The following HS3ST4 variants were observed in gnomAD, a reference collection of about 807,000 sequenced individuals.
HS3ST4 encodes the protein heparan sulfate glucosamine 3-O-sulfotransferase 4.
Under a neutral mutation model 29.2 loss-of-function variants are expected in HS3ST4, and 17 were observed. The ratio of observed to expected loss-of-function variants is 0.58; its 90% CI spans 0.40 to 0.87. The LOEUF is 0.87. Ranked by LOEUF, HS3ST4 falls within the 40% of genes least tolerant of loss-of-function variation. The pLI is 0.00. For synonymous variants in HS3ST4, 314 were observed against 285.7 expected, an observed-to-expected ratio of 1.10 and a Z score of -1.00; for missense variants, 627 against 634.5, an observed-to-expected ratio of 0.99 and a Z score of 0.13.
At chr16:26,081,120 C>G (rs559272601) in intron 1 of HS3ST4, among the ~76,000 whole-genome samples, 1 of 152,178 alleles carries the variant, frequency 6.6e-6, no homozygotes, top group South Asian at 2.1e-4. Context: ...GACCCCATCT[C>G]TACTAAAAAT....
At chr16:25,851,739 G>A (rs1208452920) in intron 1 of HS3ST4, among the ~76,000 whole-genome samples, 1 of 152,132 alleles carries the variant, frequency 6.6e-6, no homozygotes. Flanking sequence ...GGAACTAATA[G>A]CCTTGAAATA....
rs773679674 is a variant in HS3ST4 at position 25,885,409 on chromosome 16, A to G, written c.734+192258A>G. ...GTTCATGTTATTACCTGGTTTCTAA[A>G]ACCCTCTAGGAAGCTGGGAAGATCA... On this transcript the variant is annotated intron_variant, in intron 1 of 1. Coordinates refer to ENST00000331351, the MANE Select transcript of HS3ST4 (RefSeq NM_006040.3). Among the ~76,000 whole-genome samples the G allele has an allele frequency of 7.3e-4, 111 of 152,144 alleles. 1 individual carries two copies. The highest frequency in any genetic ancestry group is 1.1e-3 in the Non-Finnish European group (77 of 68,012).
chr16:25,968,665 T>C (rs1250767744), intron 1 of HS3ST4, among the ~76,000 whole-genome samples: 1 of 152,232 alleles, frequency 6.6e-6, no homozygotes, highest in Admixed American at 6.5e-5. Flanking sequence ...TGTGTGACAT[T>C]GGACTAATTA....
intron 1 of HS3ST4, among the ~76,000 whole-genome samples, chr16:26,014,711 A>G (rs970427176): frequency 2.6e-5 from 4 of 152,294 alleles, no homozygotes; most frequent in Admixed American, 6.5e-5. Flanking sequence ...TCCATGGTGT[A>G]TATGTGTCAT....
intron 1 of HS3ST4, among the ~76,000 whole-genome samples, chr16:25,817,169 C>T (rs1294088143): frequency 6.6e-6 from 1 of 152,196 alleles, no homozygotes; most frequent in Non-Finnish European, 1.5e-5. Flanking sequence ...CTTCAGTGTC[C>T]TCAACCTTAG....
At position 25,912,687 on chromosome 16, in the gene HS3ST4, G is replaced by A. The variant is rs1596611791; in HGVS notation, c.734+219536G>A. ...AGTGGAATTGGACAGCGTGAGTCCT[G>A]GGTCGGCTTAATTCTGAACACCACT... On this transcript the variant is annotated intron_variant, in intron 1 of 1. Transcript: ENST00000331351. Among the ~76,000 whole-genome samples, 3 of 152,274 alleles carry A rather than the reference G, an allele frequency of 2.0e-5. No homozygotes were observed. In the South Asian group the frequency reaches 6.2e-4, roughly 32 times the overall value.
chr16:26,014,203 G>A (rs1226487639), intron 1 of HS3ST4, among the ~76,000 whole-genome samples: 5 of 152,098 alleles, frequency 3.3e-5, no homozygotes, highest in African/African-American at 1.2e-4. Flanking sequence ...TAAACTCTAT[G>A]AGGACAGGGA....
At chr16:25,768,570 A>G (rs1040048694) in intron 1 of HS3ST4, among the ~76,000 whole-genome samples, 2 of 152,126 alleles carry the variant, frequency 1.3e-5, no homozygotes, top group Admixed American at 6.5e-5. Flanking sequence ...CCGCATGTGG[A>G]GTGGAACAGG....
chr16:26,127,563 A>G (rs1263401425), intron 1 of HS3ST4, among the ~76,000 whole-genome samples: 1 of 152,170 alleles, frequency 6.6e-6, no homozygotes, highest in Non-Finnish European at 1.5e-5. Context: ...TCCTGCCTCT[A>G]GTTCCATTCT....
intron 1 of HS3ST4, among the ~76,000 whole-genome samples, chr16:25,872,590 T>A (rs529063868): frequency 1.8e-3 from 240 of 135,030 alleles, no homozygotes; most frequent in African/African-American, 6.2e-3. Flanking sequence ...CAGGCTTCAT[T>A]AGCCTGAGTG....
chr16:26,029,982 C>A (rs1198201602), intron 1 of HS3ST4, among the ~76,000 whole-genome samples: 1 of 152,230 alleles, frequency 6.6e-6, no homozygotes, highest in Non-Finnish European at 1.5e-5. Flanking sequence ...ATACCAAATT[C>A]TTAGTCCCCC....
intron 1 of HS3ST4, among the ~76,000 whole-genome samples, chr16:25,822,661 T>G (rs1567247860): frequency 6.6e-6 from 1 of 152,166 alleles, no homozygotes; most frequent in African/African-American, 2.4e-5. Context: ...GTGTGCTTTT[T>G]TCTTCAGCAC....
intron 1 of HS3ST4, among the ~76,000 whole-genome samples, chr16:26,111,481 A>T (rs2141803522): frequency 6.6e-6 from 1 of 152,158 alleles, no homozygotes; most frequent in South Asian, 2.1e-4. Context: ...ACACAGGCAA[A>T]AATGTGTATA....
At chr16:26,117,442 T>C (rs1221689864) in intron 1 of HS3ST4, among the ~76,000 whole-genome samples, 1 of 152,236 alleles carries the variant, frequency 6.6e-6, no homozygotes, top group African/African-American at 2.4e-5. Context: ...AACTCTGAAA[T>C]TGACCTTCAG....
intron 1 of HS3ST4, among the ~76,000 whole-genome samples, chr16:26,053,859 T>A (rs1898374860): frequency 6.6e-6 from 1 of 151,966 alleles, no homozygotes; most frequent in South Asian, 2.1e-4. Flanking sequence ...CACCACAAAA[T>A]CTCCATAATT....
chr16:26,079,823 G>A lies in HS3ST4; in HGVS notation c.735-55789G>A, dbSNP rs189041823. On this transcript the variant is annotated intron_variant, in intron 1 of 1. Transcript: ENST00000331351. ...GACTCTATTTCAGACAGTCTTAAAG[G>A]CTTTAGCACGGGAGCGGACTTAATG... is the stretch of plus-strand genomic sequence containing the variant. 7.3e-3 allele frequency among the ~76,000 whole-genome samples: 1,105 copies of A among 152,250 alleles called. 8 individuals carry two copies. The highest frequency in any genetic ancestry group is 0.017 in the Middle Eastern group (5 of 294).
intron 1 of HS3ST4, among the ~76,000 whole-genome samples, chr16:26,027,385 C>T (rs766076769): frequency 1.1e-4 from 17 of 152,218 alleles, no homozygotes; most frequent in Non-Finnish European, 2.4e-4. Context: ...AGGGATGCTT[C>T]CTCTTCTAAG....
intron 1 of HS3ST4, among the ~76,000 whole-genome samples, chr16:25,698,068 ATGTG>A (rs1055181715): frequency 5.3e-5 from 8 of 151,976 alleles, no homozygotes; most frequent in African/African-American, 1.9e-4. Flanking sequence ...TAATTGGGGA[ATGTG>A]TGTGTGCATG....
intron 1 of HS3ST4, among the ~76,000 whole-genome samples, chr16:26,063,664 C>T (rs997583611): frequency 6.6e-6 from 1 of 151,978 alleles, no homozygotes; most frequent in Non-Finnish European, 1.5e-5. Context: ...CCACTGCACT[C>T]CAGCCTGGAT....
Sources: gnomAD v4.1 joint callset for allele counts (sites outside exome capture counted in the v4.1 genomes callset) on GRCh38, gnomAD v4.1.1 for gene constraint, MANE v1.5 for transcripts, NCBI Gene and HGNC (gene_info 2026-07-23, HGNC 2026-07-21) for gene names.